Variants in WDPCP observed in about 807,000 individuals in gnomAD.
WDPCP encodes WD repeat containing planar cell polarity effector.
In WDPCP, 71 loss-of-function variants were observed where a neutral mutation model predicts 93.1. That is an observed-to-expected ratio of 0.76 (90% confidence interval 0.63 to 0.93). The LOEUF (loss-of-function observed/expected upper bound fraction) is 0.93. Among genes scored for constraint, WDPCP ranks in the 40% least tolerant of loss-of-function variants. The pLI is 0.00. For missense variants in WDPCP, 844 were observed against 887.4 expected (o/e 0.95, Z 0.62); for synonymous variants, 315 against 315.0 (o/e 1.00, Z 0.00).
At chr2:63,566,621 A>C (rs1224027720) in intron 1 of WDPCP, among the ~76,000 whole-genome samples, 2 of 152,214 alleles carry the variant, frequency 1.3e-5, no homozygotes, top group Non-Finnish European at 2.9e-5. Context: ...CACTTCTGAC[A>C]CCAAATGTGT....
chr2:63,613,761 C>T (rs572443762), intron 3 of WDPCP, among the ~76,000 whole-genome samples: 1 of 152,166 alleles, frequency 6.6e-6, no homozygotes, highest in Non-Finnish European at 1.5e-5. Context: ...AGGCTAAGAA[C>T]CGAGGAGTTT....
At chr2:63,482,155 T>C (rs1386795040) in intron 6 of WDPCP, among the ~76,000 whole-genome samples, 1 of 152,008 alleles carries the variant, frequency 6.6e-6, no homozygotes, top group Non-Finnish European at 1.5e-5. Flanking sequence ...AATCTTATGT[T>C]GCTGTGGTTG....
chr2:63,168,262 A>G (rs774986685), intron 15 of WDPCP, among the ~76,000 whole-genome samples: 7 of 151,712 alleles, frequency 4.6e-5, no homozygotes, highest in Non-Finnish European at 8.8e-5. Context: ...ATCTATGTGA[A>G]ATTTGCATTA....
intron 15 of WDPCP, among the ~76,000 whole-genome samples, chr2:63,154,211 A>T (rs1672076189): frequency 6.6e-6 from 1 of 151,912 alleles, no homozygotes; most frequent in Non-Finnish European, 1.5e-5. Context: ...AGTTTTGTGA[A>T]TTTTAACAGA....
intron 15 of WDPCP, among the ~76,000 whole-genome samples, chr2:63,165,479 TTTTC>T (rs1672897250): frequency 6.6e-6 from 1 of 151,994 alleles, no homozygotes; most frequent in Non-Finnish European, 1.5e-5. Context: ...GTGGAAAAGT[TTTTC>T]TTTATTTTCA....
At chr2:63,634,420 A>G (rs1709900766) in intron 3 of WDPCP, among the ~76,000 whole-genome samples, 1 of 152,230 alleles carries the variant, frequency 6.6e-6, no homozygotes, top group Non-Finnish European at 1.5e-5. Context: ...CAATACAATA[A>G]TAGTAGAAAC....
chr2:63,439,954 A>C, intron 6 of WDPCP, 83 bp from the exon 7 acceptor site: 1 of 1,004,448 alleles, frequency 1.0e-6, no homozygotes, highest in Non-Finnish European at 1.6e-6. Context: ...CAAATATACA[A>C]CTTATACAGA....
intron 2 of WDPCP, among the ~76,000 whole-genome samples, chr2:63,725,200 C>T (rs1669480252): frequency 6.6e-6 from 1 of 152,158 alleles, no homozygotes; most frequent in African/African-American, 2.4e-5. Context: ...AGCCTCCTCC[C>T]ACCCTTCCAC....
At chr2:63,134,060 C>T (rs1670458629) in intron 17 of WDPCP, among the ~76,000 whole-genome samples, 2 of 152,238 alleles carry the variant, frequency 1.3e-5, no homozygotes, top group East Asian at 3.9e-4. Context: ...TGTCATTCTT[C>T]CTAGGGGTTT....
chr2:63,475,578 G>C (rs1230556987), intron 6 of WDPCP, among the ~76,000 whole-genome samples: 1 of 151,830 alleles, frequency 6.6e-6, no homozygotes, highest in Non-Finnish European at 1.5e-5. Context: ...CATAAAGATG[G>C]GTTTCTTGTT....
rs191726934 is a variant in WDPCP at position 63,445,759 on chromosome 2, G to A, written c.385-5888C>T. On this transcript the variant is annotated intron_variant, in intron 6 of 17. Coordinates refer to ENST00000272321, the MANE Select transcript of WDPCP (RefSeq NM_015910.7). The stretch of plus-strand genomic sequence containing the variant: ...GTCAGTAGTTTTAAAGATCTAAAGA[G>A]TTAAAAGCAGTGGTGAGAAGTAAAG... Among the ~76,000 whole-genome samples the A allele has an allele frequency of 4.2e-3, 632 of 152,270 alleles. 11 individuals carry two copies. The highest frequency in any genetic ancestry group is 2.5e-3 in the Non-Finnish European group (171 of 68,006).
intron 1 of WDPCP, among the ~76,000 whole-genome samples, chr2:63,559,869 T>C (rs1706455280): frequency 6.6e-6 from 1 of 152,170 alleles, no homozygotes; most frequent in Non-Finnish European, 1.5e-5. Context: ...CAAAGTAATT[T>C]ATAGATTCAA....
chr2:63,224,475 A>G (rs1272049408), intron 14 of WDPCP, among the ~76,000 whole-genome samples: 1 of 152,106 alleles, frequency 6.6e-6, no homozygotes, highest in Non-Finnish European at 1.5e-5. Context: ...AACTGCCAGA[A>G]CTCAGAAGTA....
chr2:63,146,469 G>T (rs1328528119), intron 17 of WDPCP, among the ~76,000 whole-genome samples: 1 of 148,222 alleles, frequency 6.7e-6, no homozygotes, highest in African/African-American at 2.5e-5. Flanking sequence ...CAGTCGTGCA[G>T]TCTTAGCTCA....
intron 6 of WDPCP, among the ~76,000 whole-genome samples, chr2:63,469,001 G>GA (rs879116275): frequency 0.024 from 2,968 of 124,180 alleles, 106 homozygotes; most frequent in African/African-American, 0.082. Context: ...TTAAATACAA[G>GA]AAAAAAAAAA....
intron 2 of WDPCP, among the ~76,000 whole-genome samples, chr2:63,673,218 A>T (rs1203891398): frequency 6.6e-6 from 1 of 152,142 alleles, no homozygotes; most frequent in Non-Finnish European, 1.5e-5. Context: ...GAGATACCAA[A>T]CCACTTAGAA....
At chr2:63,238,581 A>C (rs753460275) in intron 14 of WDPCP, among the ~76,000 whole-genome samples, 25 of 152,164 alleles carry the variant, frequency 1.6e-4, no homozygotes, top group Admixed American at 4.6e-4. Flanking sequence ...GTATCAGATA[A>C]TTTAAAATTC....
chr2:63,401,498 G>A (rs774470687), intron 10 of WDPCP, among the ~76,000 whole-genome samples: 22 of 152,144 alleles, frequency 1.4e-4, no homozygotes, highest in Non-Finnish European at 3.1e-4. Context: ...AAGAGGCCAG[G>A]TGCAGTGGCT....
At chr2:63,171,593 A>C (rs1184024362) in intron 15 of WDPCP, among the ~76,000 whole-genome samples, 4 of 152,208 alleles carry the variant, frequency 2.6e-5, no homozygotes, top group Non-Finnish European at 4.4e-5. Flanking sequence ...GGTATGTAAA[A>C]TGTTACAGGC....
Sources: gnomAD v4.1 joint callset for allele counts (sites outside exome capture counted in the v4.1 genomes callset) on GRCh38, gnomAD v4.1.1 for gene constraint, MANE v1.5 for transcripts, NCBI Gene and HGNC (gene_info 2026-07-23, HGNC 2026-07-21) for gene names.